Variants in CHRM3 observed in about 807,000 individuals in gnomAD.
The protein encoded by CHRM3 is cholinergic receptor muscarinic 3.
A neutral mutation model predicts 41.8 loss-of-function variants in CHRM3; 11 were observed. The observed-to-expected ratio is 0.26, with a 90% CI of 0.17 to 0.44. The LOEUF is 0.44. Ranked by LOEUF, CHRM3 falls within the 20% of genes least tolerant of loss-of-function variation. The pLI, the probability that CHRM3 is intolerant of heterozygous loss-of-function variation, is 1.00. For synonymous variants in CHRM3, 297 were observed against 301.4 expected (o/e 0.99, Z 0.15); for missense variants, 571 against 745.4 (o/e 0.77, Z 2.72).
At chr1:239,391,586 G>T (rs928502701) in intron 1 of CHRM3, among the ~76,000 whole-genome samples, 1 of 152,084 alleles carries the variant, frequency 6.6e-6, no homozygotes, top group Admixed American at 6.5e-5. Context: ...AAGGACTCTG[G>T]CTGACGTGCA....
At chr1:239,665,243 C>A (rs958023204) in intron 4 of CHRM3, among the ~76,000 whole-genome samples, 7 of 151,876 alleles carry the variant, frequency 4.6e-5, no homozygotes, top group Non-Finnish European at 1.0e-4. Context: ...ACGTTGAGCG[C>A]CTGCTGTATG....
intron 3 of CHRM3, among the ~76,000 whole-genome samples, chr1:239,622,641 C>T (rs925447078): frequency 1.7e-4 from 26 of 152,126 alleles, no homozygotes; most frequent in African/African-American, 6.3e-4. Flanking sequence ...TTGCTGCTAT[C>T]TCATGATAAA....
intron 1 of CHRM3, among the ~76,000 whole-genome samples, chr1:239,422,922 G>T (rs1184925672): frequency 6.6e-6 from 1 of 152,180 alleles, no homozygotes; most frequent in African/African-American, 2.4e-5. Context: ...ACAAGTCACT[G>T]GGGAGATAGT....
At chr1:239,786,557 C>T (rs893235747) in intron 5 of CHRM3, among the ~76,000 whole-genome samples, 8 of 152,144 alleles carry the variant, frequency 5.3e-5, no homozygotes, top group African/African-American at 1.9e-4. Flanking sequence ...AGCTTCTAAA[C>T]GGCTTCTGTA....
intron 4 of CHRM3, among the ~76,000 whole-genome samples, chr1:239,648,368 A>C (rs1236789547): frequency 2.0e-5 from 3 of 152,164 alleles, no homozygotes; most frequent in Non-Finnish European, 4.4e-5. Context: ...CATTGTGCAC[A>C]CATCTTTATC....
At chr1:239,901,209 T>C (rs567404587) in intron 6 of CHRM3, among the ~76,000 whole-genome samples, 1 of 152,256 alleles carries the variant, frequency 6.6e-6, no homozygotes, top group Non-Finnish European at 1.5e-5. Context: ...TCCAACCTTC[T>C]CCGCATTTAA....
chr1:239,524,864 C>A (rs1669891685), intron 2 of CHRM3, among the ~76,000 whole-genome samples: 1 of 152,046 alleles, frequency 6.6e-6, no homozygotes, highest in African/African-American at 2.4e-5. Flanking sequence ...TTAAAGATAT[C>A]TAATTATATT....
At chr1:239,468,294 G>A (rs1284357968) in intron 1 of CHRM3, among the ~76,000 whole-genome samples, 1 of 152,092 alleles carries the variant, frequency 6.6e-6, no homozygotes, top group African/African-American at 2.4e-5. Flanking sequence ...TTTATCAGAA[G>A]CTTCTGACTT....
Position 239,741,366 on chromosome 1 carries a change from C to T in CHRM3, c.-147+63078C>T, listed in dbSNP as rs143259302. Among the ~76,000 whole-genome samples the T allele has an allele frequency of 1.3e-3, 192 of 152,228 alleles. 1 individual carries two copies. The highest frequency in any genetic ancestry group is 0.01 in the Middle Eastern group (3 of 294). ...TCTTCAAAGATAGGGATATTCCTGG[C>T]GTTCCTGAATACTTCCAGGTATAGG... On this transcript the variant is annotated intron_variant, in intron 5 of 6. Coordinates refer to ENST00000676153, the MANE Select transcript of CHRM3 (RefSeq NM_001375978.1).
chr1:239,533,947 G>A (rs1235091112), intron 2 of CHRM3, among the ~76,000 whole-genome samples: 2 of 152,072 alleles, frequency 1.3e-5, no homozygotes, highest in South Asian at 2.1e-4. Context: ...CTCCTGCCCT[G>A]TTGATTCTGA....
At chr1:239,496,140 T>A (rs1202776481) in intron 2 of CHRM3, among the ~76,000 whole-genome samples, 2 of 152,154 alleles carry the variant, frequency 1.3e-5, no homozygotes, top group Non-Finnish European at 2.9e-5. Context: ...TATTTCTTTT[T>A]TTCTTGAACA....
chr1:239,416,188 T>C (rs1661488205), intron 1 of CHRM3, among the ~76,000 whole-genome samples: 1 of 152,226 alleles, frequency 6.6e-6, no homozygotes, highest in Non-Finnish European at 1.5e-5. Context: ...TTTTATTAAA[T>C]AAAAGTTTTG....
intron 1 of CHRM3, among the ~76,000 whole-genome samples, chr1:239,442,431 A>G (rs535712021): frequency 9.8e-4 from 149 of 152,042 alleles, no homozygotes; most frequent in Admixed American, 1.5e-3. Flanking sequence ...TTCTTGATGC[A>G]TGCATAGGTA....
intron 2 of CHRM3, among the ~76,000 whole-genome samples, chr1:239,502,343 T>C (rs2148139825): frequency 6.6e-6 from 1 of 152,192 alleles, no homozygotes; most frequent in Admixed American, 6.5e-5. Context: ...AGGAGATGGA[T>C]AAATTCCTGG....
chr1:239,849,256 C>G (rs1674511243), intron 6 of CHRM3, among the ~76,000 whole-genome samples: 1 of 152,158 alleles, frequency 6.6e-6, no homozygotes, highest in Admixed American at 6.6e-5. Context: ...GAATACCATT[C>G]TGATTTTGCA....
intron 6 of CHRM3, among the ~76,000 whole-genome samples, chr1:239,878,931 G>A (rs1362500601): frequency 2.0e-5 from 3 of 152,116 alleles, no homozygotes; most frequent in Non-Finnish European, 2.9e-5. Context: ...GGCCATGGAG[G>A]GTAAGACAGG....
intron 3 of CHRM3, among the ~76,000 whole-genome samples, chr1:239,580,786 A>G (rs894296373): frequency 4.7e-5 from 7 of 148,584 alleles, no homozygotes; most frequent in African/African-American, 1.7e-4. Context: ...ATATATAAAT[A>G]CATTATATAT....
chr1:239,691,382 A>G (rs1057366351), intron 5 of CHRM3, among the ~76,000 whole-genome samples: 4 of 152,162 alleles, frequency 2.6e-5, no homozygotes, highest in African/African-American at 4.8e-5. Context: ...ACCTCACTCA[A>G]CATGTTGTTA....
At chr1:239,787,626 T>C (rs1669012060) in intron 5 of CHRM3, among the ~76,000 whole-genome samples, 1 of 152,110 alleles carries the variant, frequency 6.6e-6, no homozygotes. Flanking sequence ...CAGACCCAGA[T>C]TGCAATGTGA....
Sources: gnomAD v4.1 joint callset for allele counts (sites outside exome capture counted in the v4.1 genomes callset) on GRCh38, gnomAD v4.1.1 for gene constraint, MANE v1.5 for transcripts, NCBI Gene and HGNC (gene_info 2026-07-23, HGNC 2026-07-21) for gene names.